The following PRUNE2 variants were observed in gnomAD, a reference collection of about 807,000 sequenced individuals.
The protein encoded by PRUNE2 is prune homolog 2 with BCH domain.
PRUNE2 carries 164 observed loss-of-function variants against 252.0 expected under a neutral mutation model. The observed-to-expected ratio is 0.65, with a 90% CI of 0.57 to 0.74. The LOEUF is 0.74. PRUNE2 is among the 30% of genes least tolerant of loss of function. The pLI, the probability that PRUNE2 is intolerant of heterozygous loss-of-function variation, is 0.00. For synonymous variants in PRUNE2, 1,292 were observed against 1,350.2 expected, an observed-to-expected ratio of 0.96 and a Z score of 0.94; for missense variants, 3,495 against 3,711.0, an observed-to-expected ratio of 0.94 and a Z score of 1.51.
At chr9:76,715,023 T>A (rs1020155045) in intron 6 of PRUNE2, among the ~76,000 whole-genome samples, 1 of 152,240 alleles carries the variant, frequency 6.6e-6, no homozygotes, top group South Asian at 2.1e-4. Context: ...TAAAAGATTC[T>A]GTTCATTTTT....
At chr9:76,639,702 T>C (rs551528469) in intron 12 of PRUNE2, among the ~76,000 whole-genome samples, 4,365 of 152,228 alleles carry the variant, frequency 0.029, 221 homozygotes, top group African/African-American at 0.1. Context: ...TAGTATAAAA[T>C]TCTGTACTTT....
chr9:76,766,981 C>T (rs1458386362), intron 6 of PRUNE2, among the ~76,000 whole-genome samples: 2 of 152,192 alleles, frequency 1.3e-5, no homozygotes, highest in Admixed American at 6.5e-5. Flanking sequence ...CCTCGCCACA[C>T]CTTCCCCCCA....
At chr9:76,667,389 C>G (rs1188904316) in intron 9 of PRUNE2, among the ~76,000 whole-genome samples, 1 of 152,232 alleles carries the variant, frequency 6.6e-6, no homozygotes, top group Non-Finnish European at 1.5e-5. Flanking sequence ...CCCAAGTGAG[C>G]AGCAGAACTG....
intron 6 of PRUNE2, among the ~76,000 whole-genome samples, chr9:76,742,151 T>C (rs2049684317): frequency 6.6e-6 from 1 of 152,122 alleles, no homozygotes; most frequent in Non-Finnish European, 1.5e-5. Context: ...ATTCAAAGAC[T>C]GTGAAAGAAA....
At chr9:76,788,619 C>T in intron 6 of PRUNE2, 1 of 650,644 alleles carries the variant, frequency 1.5e-6, no homozygotes, top group East Asian at 2.8e-5. Flanking sequence ...CAGTGCTTGA[C>T]ACAACTTAAA....
In PRUNE2 at chr9:76,706,401, T is replaced by C; in HGVS notation, c.5873A>G (p.Gln1958Arg). 2 of 1,605,344 alleles carry C rather than the reference T, an allele frequency of 1.2e-6. No homozygotes were observed. The highest frequency in any genetic ancestry group is 1.7e-4 in the Middle Eastern group (1 of 5,992). ...ELTPETPTQEQCQDTMLPVCD... is the reference protein window; with the variant it reads ...ELTPETPTQERCQDTMLPVCD... ...GACTGGCAGCATGGTGTCCTGACAC[T>C]GCTCTTGGGTAGGTGTTTCAGGAGT... Residue 1958 changes from glutamine to arginine, a missense_variant, in exon 8 of 19, where the codon CAG becomes CGG. Transcript: ENST00000376718.
At chr9:76,665,729 T>C (rs949098776) in intron 9 of PRUNE2, among the ~76,000 whole-genome samples, 4 of 152,122 alleles carry the variant, frequency 2.6e-5, no homozygotes, top group Non-Finnish European at 4.4e-5. Context: ...ATAGTGAAAC[T>C]TGACCATAAA....
chr9:76,711,597 G>C (rs1234150561), intron 7 of PRUNE2, among the ~76,000 whole-genome samples: 1 of 152,154 alleles, frequency 6.6e-6, no homozygotes, highest in Non-Finnish European at 1.5e-5. Context: ...GAAGGCTCCT[G>C]AACGTTTGGG....
Position 76,637,471 on chromosome 9 carries a change from CCTT to C in PRUNE2, c.8907_8909del (p.Arg2971del). 6.2e-7 allele frequency: 1 copy of C among 1,613,718 alleles called. No individual in the cohort carries two copies. The highest frequency in any genetic ancestry group is 8.5e-7 in the Non-Finnish European group (1 of 1,179,770). The stretch of plus-strand genomic sequence containing the variant: ...TCATCCAGCCTAGCCCTGGCATCCT[CCTT>C]CTTGGGGTTGCACCATTCAAGTACA... On this transcript the variant is annotated inframe_deletion, in exon 14 of 19. Coordinates refer to ENST00000376718, the MANE Select transcript of PRUNE2 (RefSeq NM_015225.3).
At chr9:76,782,015 C>A (rs575461001) in intron 6 of PRUNE2, among the ~76,000 whole-genome samples, 3 of 152,108 alleles carry the variant, frequency 2.0e-5, no homozygotes, top group Middle Eastern at 3.2e-3. Context: ...GAGATTGAGA[C>A]CATCCTGGCT....
chr9:76,755,408 G>A (rs1431451124), intron 6 of PRUNE2, among the ~76,000 whole-genome samples: 1 of 152,006 alleles, frequency 6.6e-6, no homozygotes, highest in Non-Finnish European at 1.5e-5. Flanking sequence ...TGGATGGGTG[G>A]TTAAGTGAAC....
intron 1 of PRUNE2, among the ~76,000 whole-genome samples, chr9:76,903,499 C>A (rs2063303196): frequency 6.6e-6 from 1 of 152,050 alleles, no homozygotes; most frequent in South Asian, 2.1e-4. Context: ...TCTAATAAGG[C>A]TTAAGTAAAA....
At chr9:76,883,046 C>T (rs1057153438) in intron 1 of PRUNE2, among the ~76,000 whole-genome samples, 2 of 152,132 alleles carry the variant, frequency 1.3e-5, no homozygotes, top group African/African-American at 4.8e-5. Context: ...AGGTGGTTGC[C>T]TTTCCAAGCT....
At chr9:76,638,964 A>G (rs886739280) in intron 12 of PRUNE2, among the ~76,000 whole-genome samples, 17 of 152,170 alleles carry the variant, frequency 1.1e-4, no homozygotes, top group African/African-American at 3.4e-4. Context: ...GTAATCACCA[A>G]TGGGTATGTA....
chr9:76,768,761 A>G (rs180756815), intron 6 of PRUNE2, among the ~76,000 whole-genome samples: 2 of 152,248 alleles, frequency 1.3e-5, no homozygotes, highest in East Asian at 3.9e-4. Context: ...CCACCCAAGT[A>G]ATTGGAATCT....
intron 12 of PRUNE2, among the ~76,000 whole-genome samples, chr9:76,640,329 C>G (rs1339100567): frequency 6.6e-6 from 1 of 152,244 alleles, no homozygotes; most frequent in African/African-American, 2.4e-5. Context: ...GAGAGTGTGA[C>G]TCTACTGCAA....
chr9:76,758,167 C>A (rs2051335479), intron 6 of PRUNE2, among the ~76,000 whole-genome samples: 1 of 152,160 alleles, frequency 6.6e-6, no homozygotes, highest in African/African-American at 2.4e-5. Context: ...CTTCCAAAAG[C>A]AGCGTTTTGT....
chr9:76,670,720 G>A (rs2041244854), intron 9 of PRUNE2, among the ~76,000 whole-genome samples: 3 of 151,956 alleles, frequency 2.0e-5, no homozygotes, highest in Non-Finnish European at 4.4e-5. Context: ...CAGGCAGACT[G>A]CCTCCTCAAG....
chr9:76,815,521 A>C (rs752857966), intron 6 of PRUNE2, among the ~76,000 whole-genome samples: 30 of 152,182 alleles, frequency 2.0e-4, no homozygotes, highest in Non-Finnish European at 3.8e-4. Flanking sequence ...GCACTCATGC[A>C]TTCATGAGAG....
Sources: gnomAD v4.1 joint callset for allele counts (sites outside exome capture counted in the v4.1 genomes callset) on GRCh38, gnomAD v4.1.1 for gene constraint, MANE v1.5 for transcripts, NCBI Gene and HGNC (gene_info 2026-07-23, HGNC 2026-07-21) for gene names.